FAM107B: variants seen among roughly 807,000 people sequenced by gnomAD.
FAM107B encodes the protein family with sequence similarity 107 member B.
A neutral mutation model predicts 31.5 loss-of-function variants in FAM107B; 21 were observed. The observed-to-expected ratio is 0.67, with a 90% CI of 0.47 to 0.96. The LOEUF (loss-of-function observed/expected upper bound fraction) is 0.96, where lower values mean the gene tolerates loss of function less well. Ranked by LOEUF, FAM107B falls within the 40% of genes least tolerant of loss-of-function variation. The probability of loss-of-function intolerance (pLI) is 0.00; values close to 1 mark genes in which losing one functional copy is unlikely to be tolerated. For missense variants in FAM107B, 452 were observed against 377.1 expected, an observed-to-expected ratio of 1.20 and a Z score of -1.64; for synonymous variants, 157 against 141.5, an observed-to-expected ratio of 1.11 and a Z score of -0.78.
chr10:14,669,942 A>G (rs2131476952), intron 1 of FAM107B, among the ~76,000 whole-genome samples: 1 of 152,378 alleles, frequency 6.6e-6, no homozygotes, highest in Admixed American at 6.5e-5. Flanking sequence ...AATGTTCCCA[A>G]TACATAGAAA....
chr10:14,751,500 A>ATTTTTTTTTTTTTTTTTTT (rs371112027), intron 1 of FAM107B, among the ~76,000 whole-genome samples: 1 of 150,036 alleles, frequency 6.7e-6, no homozygotes, highest in African/African-American at 2.5e-5. Context: ...CTTATATGGG[A>ATTTTTTTTTTTTTTTTTTT]TTTTTTTCTT....
rs1851438586 is a variant in FAM107B at position 14,575,523 on chromosome 10, G to T, written c.470-45008C>A. Among the ~76,000 whole-genome samples, 3 of 152,100 alleles carry T rather than the reference G, an allele frequency of 2.0e-5. No homozygotes were observed. The South Asian group carries it at 6.2e-4, about 32-fold the overall frequency. Reference sequence around the variant, plus strand: ...CGGCCAAGAAGCTTTTCAATGGAGAGCAATACAAACACAGTCAAGAAAAAG... The same window carrying T: ...CGGCCAAGAAGCTTTTCAATGGAGATCAATACAAACACAGTCAAGAAAAAG... On this transcript the variant is annotated intron_variant, in intron 2 of 4. Coordinates refer to ENST00000181796, the MANE Select transcript of FAM107B (RefSeq NM_031453.4).
chr10:14,569,590 G>A (rs1851017224), intron 2 of FAM107B, among the ~76,000 whole-genome samples: 2 of 152,186 alleles, frequency 1.3e-5, no homozygotes, highest in African/African-American at 2.4e-5. Flanking sequence ...CTTCTGTTCA[G>A]TGTAACCTTC....
At chr10:14,563,730 T>C (rs1220430353) in intron 2 of FAM107B, among the ~76,000 whole-genome samples, 4 of 152,216 alleles carry the variant, frequency 2.6e-5, no homozygotes, top group Non-Finnish European at 5.9e-5. Flanking sequence ...TTCCCAATGA[T>C]GTAACTGTGT....
chr10:14,700,589 G>A (rs1750863745), intron 1 of FAM107B, among the ~76,000 whole-genome samples: 1 of 152,070 alleles, frequency 6.6e-6, no homozygotes, highest in African/African-American at 2.4e-5. Context: ...GAGTCTGAAA[G>A]CCCAGCCTGT....
chr10:14,521,648 C>T (rs1191425342), intron 4 of FAM107B, among the ~76,000 whole-genome samples: 1 of 152,166 alleles, frequency 6.6e-6, no homozygotes, highest in African/African-American at 2.4e-5. Context: ...GTGCCATGTC[C>T]CTGTTTTGCT....
At chr10:14,724,888 CAG>C (rs1247362251) in intron 1 of FAM107B, among the ~76,000 whole-genome samples, 1 of 152,190 alleles carries the variant, frequency 6.6e-6, no homozygotes, top group Non-Finnish European at 1.5e-5. Context: ...GGAAAAGAAA[CAG>C]GGACATTTCT....
At chr10:14,630,252 A>T (rs1853319047) in intron 2 of FAM107B, among the ~76,000 whole-genome samples, 1 of 148,056 alleles carries the variant, frequency 6.8e-6, no homozygotes, top group Admixed American at 7.0e-5. Context: ...TATGCAGTTC[A>T]CTATGCCTCA....
chr10:14,771,586 T>C (rs866247612), intron 1 of FAM107B, among the ~76,000 whole-genome samples: 19 of 150,750 alleles, frequency 1.3e-4, no homozygotes, highest in African/African-American at 4.7e-4. Flanking sequence ...CCAAAAAATA[T>C]ACAACTGTGA....
At chr10:14,716,694 C>T (rs918987971) in intron 1 of FAM107B, among the ~76,000 whole-genome samples, 2 of 152,186 alleles carry the variant, frequency 1.3e-5, no homozygotes, top group Non-Finnish European at 2.9e-5. Flanking sequence ...AGGTTTGAAT[C>T]TTGGCTCCTC....
At chr10:14,732,129 T>C (rs1414512714) in intron 1 of FAM107B, among the ~76,000 whole-genome samples, 2 of 152,198 alleles carry the variant, frequency 1.3e-5, no homozygotes, top group Admixed American at 1.3e-4. Context: ...AAGTAGATAA[T>C]GACCTAACTC....
At chr10:14,561,225 G>C (rs551315062) in intron 2 of FAM107B, among the ~76,000 whole-genome samples, 1 of 152,362 alleles carries the variant, frequency 6.6e-6, no homozygotes, top group East Asian at 1.9e-4. Context: ...TAGCAGCAAA[G>C]GACACAAAGC....
intron 1 of FAM107B, chr10:14,724,045 G>T: frequency 3.7e-6 from 3 of 808,436 alleles, no homozygotes; most frequent in Middle Eastern, 3.2e-4. Flanking sequence ...GACATCAAGG[G>T]CTCTGGACAT....
intron 2 of FAM107B, among the ~76,000 whole-genome samples, chr10:14,633,553 A>G (rs1853421382): frequency 6.6e-6 from 1 of 152,228 alleles, no homozygotes; most frequent in African/African-American, 2.4e-5. Flanking sequence ...AATAAAATAT[A>G]TTAATTTATT....
At chr10:14,587,985 T>A (rs1351263949) in intron 2 of FAM107B, among the ~76,000 whole-genome samples, 1 of 152,022 alleles carries the variant, frequency 6.6e-6, no homozygotes. Context: ...AGAGAAATGG[T>A]GGGATGTATA....
rs773318795 is a variant in FAM107B, at chr10:14,758,710, C to T, written c.411+15543G>A. 7.3e-5 allele frequency among the ~76,000 whole-genome samples: 11 copies of T among 151,700 alleles called. No homozygotes were observed. In the East Asian group the frequency reaches 1.9e-3, roughly 27 times the overall value. On this transcript the variant is annotated intron_variant, in intron 1 of 4. Coordinates refer to ENST00000181796, the MANE Select transcript of FAM107B (RefSeq NM_031453.4). Reference sequence around the variant, plus strand: ...GAGAAATCCAGGAGTGTGAAATATTCATCTTAAGTTAAAAGTCTGAGGCCG... The same window carrying T: ...GAGAAATCCAGGAGTGTGAAATATTTATCTTAAGTTAAAAGTCTGAGGCCG...
intron 1 of FAM107B, among the ~76,000 whole-genome samples, chr10:14,751,510 T>C (rs1403092443): frequency 6.6e-6 from 1 of 151,712 alleles, no homozygotes; most frequent in Non-Finnish European, 1.5e-5. Context: ...ATTTTTTTCT[T>C]TTTTTTCTTA....
At chr10:14,738,520 C>T (rs183208484) in intron 1 of FAM107B, among the ~76,000 whole-genome samples, 19 of 152,274 alleles carry the variant, frequency 1.2e-4, no homozygotes, top group African/African-American at 2.6e-4. Flanking sequence ...CTCTCAGGAC[C>T]CTTTCAACTC....
intron 2 of FAM107B, among the ~76,000 whole-genome samples, chr10:14,591,912 A>G (rs1285754525): frequency 2.0e-5 from 3 of 151,880 alleles, no homozygotes; most frequent in African/African-American, 7.3e-5. Flanking sequence ...GGAACAAGTG[A>G]CCTGATTCCT....
Sources: gnomAD v4.1 joint callset for allele counts (sites outside exome capture counted in the v4.1 genomes callset) on GRCh38, gnomAD v4.1.1 for gene constraint, MANE v1.5 for transcripts, NCBI Gene and HGNC (gene_info 2026-07-23, HGNC 2026-07-21) for gene names.